The following RIMS2 variants were observed in gnomAD, a reference collection of about 807,000 sequenced individuals.
RIMS2 encodes the protein regulating synaptic membrane exocytosis protein 2.
Under a neutral mutation model 174.4 loss-of-function variants are expected in RIMS2, and 59 were observed. The observed-to-expected ratio is 0.34, with a 90% CI of 0.27 to 0.42. RIMS2 has a LOEUF of 0.42. Among genes scored for constraint, RIMS2 ranks in the 10% least tolerant of loss-of-function variants. The pLI is 1.00. For missense variants in RIMS2, 1,620 were observed against 1,666.3 expected, an observed-to-expected ratio of 0.97 and a Z score of 0.48; for synonymous variants, 606 against 572.5, an observed-to-expected ratio of 1.06 and a Z score of -0.84.
intron 19 of RIMS2, among the ~76,000 whole-genome samples, chr8:104,083,830 C>T (rs2097480247): frequency 6.6e-6 from 1 of 152,048 alleles, no homozygotes; most frequent in African/African-American, 2.4e-5. Flanking sequence ...GCAGATATTT[C>T]AGATGACATG....
chr8:103,771,226 C>G (rs921135753), intron 3 of RIMS2, among the ~76,000 whole-genome samples: 43 of 152,072 alleles, frequency 2.8e-4, no homozygotes, highest in Non-Finnish European at 2.6e-4. Flanking sequence ...AACTTAGATG[C>G]AAAATACTTT....
chr8:103,555,790 C>G (rs1390375955), intron 1 of RIMS2, among the ~76,000 whole-genome samples: 1 of 121,048 alleles, frequency 8.3e-6, no homozygotes, highest in East Asian at 2.4e-4. Context: ...GCGAGACCCT[C>G]TCTCTCTCTC....
At chr8:104,251,288 TC>T in intron 23 of RIMS2, 125 bp downstream of exon 29, 1 of 850,874 alleles carries the variant, frequency 1.2e-6, no homozygotes, top group Non-Finnish European at 1.8e-6. Flanking sequence ...TGGAAACTTT[TC>T]AAAGCAGTGG....
chr8:104,039,906 G>T (rs1167387670), intron 19 of RIMS2, among the ~76,000 whole-genome samples: 2 of 151,510 alleles, frequency 1.3e-5, no homozygotes, highest in African/African-American at 2.4e-5. Context: ...TAATTTAATT[G>T]TGATGAGATT....
At chr8:104,017,751 A>G (rs1412113759) in intron 19 of RIMS2, among the ~76,000 whole-genome samples, 1 of 152,196 alleles carries the variant, frequency 6.6e-6, no homozygotes, top group African/African-American at 2.4e-5. Flanking sequence ...ACTTTTCTAT[A>G]GCATGTCAGA....
intron 19 of RIMS2, among the ~76,000 whole-genome samples, chr8:104,220,225 T>C (rs2441919): frequency 0.32 from 48,935 of 151,932 alleles, 8,075 homozygotes; most frequent in African/African-American, 0.39. Context: ...TCATTCTTTC[T>C]ACTCTACCTT....
At chr8:104,011,702 A>T (rs1333472721) in intron 17 of RIMS2, among the ~76,000 whole-genome samples, 2 of 152,098 alleles carry the variant, frequency 1.3e-5, no homozygotes, top group African/African-American at 4.8e-5. Context: ...TACATGAAAT[A>T]TTAGTCTAAC....
At chr8:103,545,689 T>A (rs999380298) in intron 1 of RIMS2, among the ~76,000 whole-genome samples, 1 of 152,170 alleles carries the variant, frequency 6.6e-6, no homozygotes, top group Admixed American at 6.5e-5. Context: ...CAGCAGAAAC[T>A]CTACAAGCTA....
intron 2 of RIMS2, among the ~76,000 whole-genome samples, chr8:103,754,312 G>T (rs917463876): frequency 1.3e-5 from 2 of 152,154 alleles, no homozygotes; most frequent in African/African-American, 2.4e-5. Flanking sequence ...TATAATTTCT[G>T]TTGTTTTACA....
intron 1 of RIMS2, among the ~76,000 whole-genome samples, chr8:103,552,221 C>T (rs566475252): frequency 4.9e-4 from 74 of 152,188 alleles, no homozygotes; most frequent in African/African-American, 1.7e-3. Context: ...GCTACAGTAA[C>T]GAAAACAGCA....
At position 103,864,089 on chromosome 8, in the gene RIMS2, A is replaced by G. The variant is rs531732429; in HGVS notation, c.699-21209A>G. Among the ~76,000 whole-genome samples, 464 of 151,912 alleles carry G rather than the reference A, an allele frequency of 3.1e-3. 1 individual carries two copies. The highest frequency in any genetic ancestry group is 4.9e-3 in the Non-Finnish European group (330 of 67,920). ...ATGCCTGGCTAATTTTTGTGTTTTT[A>G]GTAAGGATGGGGTTTCACCATGTTG... is the stretch of plus-strand genomic sequence containing the variant. On this transcript the variant is annotated intron_variant, in intron 3 of 23. Transcript: ENST00000504942.
chr8:104,015,415 T>G (rs1464146631), intron 19 of RIMS2: 3 of 694,380 alleles, frequency 4.3e-6, no homozygotes, highest in Non-Finnish European at 7.9e-6. Flanking sequence ...TTTATTTTGT[T>G]TTCCCTAGAC....
chr8:103,802,180 A>C (rs566759873), intron 3 of RIMS2, among the ~76,000 whole-genome samples: 1 of 152,132 alleles, frequency 6.6e-6, no homozygotes, highest in South Asian at 2.1e-4. Flanking sequence ...GAGCCTCTTT[A>C]ATTTATTCCA....
At chr8:103,629,614 A>C (rs564081000) in intron 1 of RIMS2, among the ~76,000 whole-genome samples, 32 of 152,384 alleles carry the variant, frequency 2.1e-4, no homozygotes, top group African/African-American at 6.7e-4. Flanking sequence ...CATATTGAGA[A>C]CTAGGAAAAT....
At chr8:103,607,671 C>A (rs1241418803) in intron 1 of RIMS2, among the ~76,000 whole-genome samples, 1 of 139,078 alleles carries the variant, frequency 7.2e-6, no homozygotes, top group African/African-American at 2.8e-5. Flanking sequence ...TTCACATAGT[C>A]CCATATTTCT....
intron 2 of RIMS2, among the ~76,000 whole-genome samples, chr8:103,728,834 G>A (rs559241491): frequency 2.8e-5 from 4 of 143,980 alleles, no homozygotes; most frequent in Admixed American, 1.4e-4. Context: ...TGAAATGATC[G>A]TGTGGTTTTT....
At chr8:103,722,539 C>T (rs2388782) in intron 2 of RIMS2, among the ~76,000 whole-genome samples, 1 of 151,734 alleles carries the variant, frequency 6.6e-6, no homozygotes, top group Non-Finnish European at 1.5e-5. Context: ...ATTTGTGTTC[C>T]TGTGAGAATC....
intron 1 of RIMS2, among the ~76,000 whole-genome samples, chr8:103,623,794 AT>A (rs71513084): frequency 0.18 from 26,603 of 147,618 alleles, 2,541 homozygotes; most frequent in African/African-American, 0.24. Flanking sequence ...CGGTCTCTTC[AT>A]TTTTTTTTTT....
intron 1 of RIMS2, among the ~76,000 whole-genome samples, chr8:103,680,925 A>G (rs1564267706): frequency 6.6e-6 from 1 of 152,050 alleles, no homozygotes; most frequent in Non-Finnish European, 1.5e-5. Context: ...GCAGTTAAAA[A>G]GTATCTAGTG....
Sources: gnomAD v4.1 joint callset for allele counts (sites outside exome capture counted in the v4.1 genomes callset) on GRCh38, gnomAD v4.1.1 for gene constraint, MANE v1.5 for transcripts, NCBI Gene and HGNC (gene_info 2026-07-23, HGNC 2026-07-21) for gene names.